OVCH1: variants seen among roughly 807,000 people sequenced by gnomAD.
The protein encoded by OVCH1 is ovochymase-1.
Under a neutral mutation model 138.4 loss-of-function variants are expected in OVCH1, and 139 were observed. The ratio of observed to expected loss-of-function variants is 1.00; its 90% CI spans 0.87 to 1.16. The LOEUF (loss-of-function observed/expected upper bound fraction) is 1.16, where lower values mean the gene tolerates loss of function less well. OVCH1 is among the 50% of genes most tolerant of loss of function. The pLI is 0.00. For synonymous variants in OVCH1, 453 were observed against 467.8 expected (o/e 0.97, Z 0.41); for missense variants, 1,367 against 1,357.9 (o/e 1.01, Z -0.11).
chr12:29,462,830 C>T (rs1942185507), intron 18 of OVCH1, among the ~76,000 whole-genome samples: 1 of 152,126 alleles, frequency 6.6e-6, no homozygotes, highest in African/African-American at 2.4e-5. Flanking sequence ...CGGGACAGAA[C>T]TAGGATCAAG....
intron 25 of OVCH1, chr12:29,440,652 A>G (rs1006215507): frequency 1.8e-5 from 8 of 449,960 alleles, no homozygotes; most frequent in Admixed American, 7.3e-5. Flanking sequence ...CATCATTTTC[A>G]TAGATACTGC....
At chr12:29,479,097 G>A (rs1284839041) in intron 8 of OVCH1, among the ~76,000 whole-genome samples, 129 bp from the exon 10 acceptor site, 3 of 152,092 alleles carry the variant, frequency 2.0e-5, no homozygotes, top group African/African-American at 7.2e-5. Context: ...GAAGATAAAA[G>A]GCAATAGAAC....
chr12:29,449,246 T>C (rs1246537941), intron 22 of OVCH1, among the ~76,000 whole-genome samples: 1 of 115,872 alleles, frequency 8.6e-6, no homozygotes, highest in Non-Finnish European at 1.8e-5. Flanking sequence ...TTTGAAGAAG[T>C]TGAGCCCTCT....
At chr12:29,478,019 G>A (rs1375828811) in intron 9 of OVCH1, among the ~76,000 whole-genome samples, 1 of 152,148 alleles carries the variant, frequency 6.6e-6, no homozygotes, top group African/African-American at 2.4e-5. Flanking sequence ...ACAATACTTT[G>A]TCTATAACTT....
chr12:29,436,065 AAT>A (rs1362471880), intron 26 of OVCH1, among the ~76,000 whole-genome samples: 2 of 152,138 alleles, frequency 1.3e-5, no homozygotes, highest in Non-Finnish European at 2.9e-5. Context: ...TTTCTCACTC[AAT>A]ATGACAGGTG....
At chr12:29,497,683 C>T (rs768995634) in exon 1 of OVCH1, 2 of 1,613,946 alleles carry the variant, frequency 1.2e-6, no homozygotes, top group Admixed American at 1.7e-5. Flanking sequence ...GCCAGCAGGC[C>T]CATAGCCTCC....
At chr12:29,491,514 G>A (rs1292146885) in intron 4 of OVCH1, among the ~76,000 whole-genome samples, 1 of 152,146 alleles carries the variant, frequency 6.6e-6, no homozygotes, top group Non-Finnish European at 1.5e-5. Flanking sequence ...CAAATCCAGA[G>A]GAATTAGCCA....
At chr12:29,482,325 C>T (rs1461691880) in intron 8 of OVCH1, among the ~76,000 whole-genome samples, 1 of 152,126 alleles carries the variant, frequency 6.6e-6, no homozygotes, top group Non-Finnish European at 1.5e-5. Flanking sequence ...ATAATTCCCT[C>T]CCTTGCTTTA....
At position 29,460,119 on chromosome 12, in the gene OVCH1, T is replaced by C. The variant is rs185499947; in HGVS notation, c.2280+1735A>G. 3.3e-5 allele frequency among the ~76,000 whole-genome samples: 5 copies of C among 152,338 alleles called. No homozygotes were observed. The East Asian group carries it at 5.8e-4, about 18-fold the overall frequency. On this transcript the variant is annotated intron_variant, in intron 19 of 27. Coordinates refer to ENST00000318184, the Ensembl canonical transcript of OVCH1. Reference sequence around the variant, plus strand: ...CATATATGGGCAGTACATTTGGTCATGCTGCAGCCAAAGTGACAGTTGTAT... The same window carrying C: ...CATATATGGGCAGTACATTTGGTCACGCTGCAGCCAAAGTGACAGTTGTAT...
At chr12:29,429,408 T>G (rs1291642019) in intron 27 of OVCH1, among the ~76,000 whole-genome samples, 1 of 152,196 alleles carries the variant, frequency 6.6e-6, no homozygotes, top group African/African-American at 2.4e-5. Context: ...AGGATTCTAA[T>G]GAAGGATCTG....
downstream of OVCH1, among the ~76,000 whole-genome samples, chr12:29,412,241 C>T (rs1431701727): frequency 6.6e-6 from 1 of 152,162 alleles, no homozygotes; most frequent in Admixed American, 6.5e-5. Flanking sequence ...AGGGAACTCC[C>T]TGACTCCTTG....
At chr12:29,412,893 A>T (rs1261037505) in intron 3 of OVCH1, among the ~76,000 whole-genome samples, 2 of 152,174 alleles carry the variant, frequency 1.3e-5, no homozygotes, top group Admixed American at 6.5e-5. Context: ...TGTCATCCAG[A>T]CTAGAGTGCA....
At chr12:29,439,258 C>T (rs1941423463) in intron 26 of OVCH1, 5 of 1,300,096 alleles carry the variant, frequency 3.8e-6, no homozygotes, top group African/African-American at 1.5e-5. Context: ...TGTCACTTCT[C>T]TTATTTATTG....
intron 9 of OVCH1, 110 bp from the exon 11 acceptor site, chr12:29,477,588 C>T: frequency 6.2e-7 from 1 of 1,613,338 alleles, no homozygotes. Flanking sequence ...TCTAAACACA[C>T]TAAACTATTT....
chr12:29,464,803 C>A, intron 17 of OVCH1, 101 bp from the exon 18 acceptor site: 1 of 996,570 alleles, frequency 1.0e-6, no homozygotes, highest in Admixed American at 2.5e-5. Flanking sequence ...TCTGCACTTA[C>A]ATACATAAAC....
intron 16 of OVCH1, among the ~76,000 whole-genome samples, chr12:29,468,204 A>G (rs1315653755): frequency 6.6e-6 from 1 of 152,224 alleles, no homozygotes; most frequent in Non-Finnish European, 1.5e-5. Flanking sequence ...TGACTTCTAG[A>G]GAAAAATAGT....
intron 16 of OVCH1, among the ~76,000 whole-genome samples, chr12:29,468,965 A>C (rs1422086257): frequency 6.6e-6 from 1 of 152,154 alleles, no homozygotes; most frequent in Non-Finnish European, 1.5e-5. Context: ...AGAACTGAGA[A>C]GGAAATACAC....
At chr12:29,459,879 A>C (rs1942074490) in intron 19 of OVCH1, among the ~76,000 whole-genome samples, 1 of 152,326 alleles carries the variant, frequency 6.6e-6, no homozygotes, top group East Asian at 1.9e-4. Flanking sequence ...TCTGCATTCC[A>C]ATATTATTAT....
At chr12:29,417,001 G>A (rs1941038362) in intron 3 of OVCH1, among the ~76,000 whole-genome samples, 1 of 152,170 alleles carries the variant, frequency 6.6e-6, no homozygotes, top group East Asian at 1.9e-4. Context: ...CAAAAGGAAA[G>A]AACTATTGAA....
Sources: gnomAD v4.1 joint callset for allele counts (sites outside exome capture counted in the v4.1 genomes callset) on GRCh38, gnomAD v4.1.1 for gene constraint, MANE v1.5 for transcripts, NCBI Gene and HGNC (gene_info 2026-07-23, HGNC 2026-07-21) for gene names.